Variants in PLCB4 observed in about 807,000 individuals in gnomAD.
The protein encoded by PLCB4 is 1-phosphatidylinositol 4,5-bisphosphate phosphodiesterase beta-4.
Under a neutral mutation model 178.8 loss-of-function variants are expected in PLCB4, and 77 were observed. That is an observed-to-expected ratio of 0.43 (90% CI 0.36 to 0.52). The LOEUF (loss-of-function observed/expected upper bound fraction) is 0.52. PLCB4 is among the 20% of genes least tolerant of loss of function. The pLI is 0.00. For missense variants in PLCB4, 1,024 were observed against 1,453.4 expected, an observed-to-expected ratio of 0.70 and a Z score of 4.80; for synonymous variants, 496 against 490.8, an observed-to-expected ratio of 1.01 and a Z score of -0.14.
At chr20:9,298,023 T>A (rs978463825) in intron 3 of PLCB4, among the ~76,000 whole-genome samples, 27 of 152,016 alleles carry the variant, frequency 1.8e-4, no homozygotes, top group Admixed American at 1.6e-3. Flanking sequence ...ACATACTGAG[T>A]ATTTTGAGAT....
At chr20:9,235,524 A>G (rs1467048615) in intron 3 of PLCB4, among the ~76,000 whole-genome samples, 1 of 152,226 alleles carries the variant, frequency 6.6e-6, no homozygotes, top group Admixed American at 6.5e-5. Context: ...AGCCTCAGGC[A>G]TTCAGAAAGA....
chr20:9,143,098 T>C lies in PLCB4; in HGVS notation c.-79+46756T>C, dbSNP rs548026152. ...CTCACCTCCTTCAAATCTTTGCCAATTGGGGCCTTTCTTTTAGTGTTGCCA... is the reference window on the plus strand; with the variant it reads ...CTCACCTCCTTCAAATCTTTGCCAACTGGGGCCTTTCTTTTAGTGTTGCCA... On this transcript the variant is annotated intron_variant, in intron 2 of 39. Coordinates refer to ENST00000378473, the MANE Select transcript of PLCB4 (RefSeq NM_001377142.1). Among the ~76,000 whole-genome samples the C allele has an allele frequency of 6.6e-5, 10 of 152,310 alleles. No homozygotes were observed. In the South Asian group the frequency reaches 2.1e-3, roughly 32 times the overall value.
chr20:9,379,279 A>T (rs1051761077), intron 12 of PLCB4, among the ~76,000 whole-genome samples: 5 of 152,092 alleles, frequency 3.3e-5, no homozygotes, highest in African/African-American at 1.2e-4. Flanking sequence ...TGAAGTTAGG[A>T]TGATACCATT....
At chr20:9,295,934 G>A (rs1002285433) in intron 3 of PLCB4, among the ~76,000 whole-genome samples, 5 of 152,140 alleles carry the variant, frequency 3.3e-5, no homozygotes, top group Admixed American at 1.3e-4. Flanking sequence ...TACCATTCAG[G>A]ACATAGGCAT....
At chr20:9,342,195 G>T (rs539536891) in intron 7 of PLCB4, among the ~76,000 whole-genome samples, 139 of 152,024 alleles carry the variant, frequency 9.1e-4, no homozygotes, top group Non-Finnish European at 1.8e-3. Flanking sequence ...CTCTATATGT[G>T]TTTCTATTCC....
chr20:9,444,061 C>G, intron 31 of PLCB4, 31 bp downstream of exon 31: 1 of 1,522,882 alleles, frequency 6.6e-7, no homozygotes, highest in South Asian at 1.1e-5. Context: ...TGCAAGCACT[C>G]TTGTATTACA....
chr20:9,139,969 C>T (rs752156640), intron 2 of PLCB4, among the ~76,000 whole-genome samples: 1 of 152,112 alleles, frequency 6.6e-6, no homozygotes, highest in African/African-American at 2.4e-5. Flanking sequence ...AGAGAATGCT[C>T]TGTGCCTGGC....
chr20:9,332,974 G>A (rs998867686), intron 4 of PLCB4, among the ~76,000 whole-genome samples: 4 of 152,100 alleles, frequency 2.6e-5, no homozygotes, highest in African/African-American at 9.7e-5. Flanking sequence ...TTACAAAAAG[G>A]GACTCCTGCC....
intron 30 of PLCB4, among the ~76,000 whole-genome samples, chr20:9,443,412 C>T (rs929786039): frequency 2.6e-5 from 4 of 152,336 alleles, no homozygotes; most frequent in Admixed American, 6.5e-5. Flanking sequence ...TTCACTATCC[C>T]ATCTCACAGC....
chr20:9,411,723 A>T (rs1451004007), intron 25 of PLCB4, among the ~76,000 whole-genome samples: 1 of 92,728 alleles, frequency 1.1e-5, no homozygotes, highest in Non-Finnish European at 1.7e-5. Flanking sequence ...TCTTGAGATA[A>T]AAAAAAAAAA....
chr20:9,281,585 C>A (rs1187152982), intron 3 of PLCB4, among the ~76,000 whole-genome samples: 4 of 151,834 alleles, frequency 2.6e-5, no homozygotes, highest in Admixed American at 2.6e-4. Flanking sequence ...ATGTTTTAAT[C>A]TTAGGTTTAT....
chr20:9,135,472 A>G (rs952772777), intron 2 of PLCB4, among the ~76,000 whole-genome samples: 21 of 152,102 alleles, frequency 1.4e-4, no homozygotes, highest in Admixed American at 6.6e-5. Flanking sequence ...CCATGGAGAC[A>G]TATGAAGTTA....
At chr20:9,304,039 T>C (rs781677092) in intron 3 of PLCB4, among the ~76,000 whole-genome samples, 2 of 151,896 alleles carry the variant, frequency 1.3e-5, no homozygotes, top group Non-Finnish European at 2.9e-5. Flanking sequence ...ACTCTTGCTC[T>C]AAGTACTTGC....
chr20:9,297,236 C>T (rs549680316), intron 3 of PLCB4, among the ~76,000 whole-genome samples: 53 of 151,906 alleles, frequency 3.5e-4, no homozygotes, highest in African/African-American at 1.1e-3. Flanking sequence ...TTCTTTCTAG[C>T]GGTCACTTCT....
At chr20:9,157,201 G>A (rs1160271133) in intron 2 of PLCB4, among the ~76,000 whole-genome samples, 4 of 149,310 alleles carry the variant, frequency 2.7e-5, no homozygotes, top group Admixed American at 1.3e-4. Context: ...TGGAAGCCAA[G>A]GACAGAGAAA....
chr20:9,398,888 C>T (rs1649585581), intron 19 of PLCB4, among the ~76,000 whole-genome samples: 1 of 152,172 alleles, frequency 6.6e-6, no homozygotes, highest in South Asian at 2.1e-4. Context: ...CAACCGATTG[C>T]ACTAAGATTC....
intron 2 of PLCB4, among the ~76,000 whole-genome samples, chr20:9,180,415 C>T (rs1403257330): frequency 1.3e-5 from 2 of 152,104 alleles, no homozygotes; most frequent in Admixed American, 6.5e-5. Flanking sequence ...GCTGGTGCTA[C>T]GATCTGAATT....
chr20:9,392,965 C>T (rs751013529), intron 17 of PLCB4, among the ~76,000 whole-genome samples: 1 of 152,158 alleles, frequency 6.6e-6, no homozygotes, highest in Non-Finnish European at 1.5e-5. Flanking sequence ...AGATACAGGA[C>T]GGTTCTGTAG....
chr20:9,200,949 C>T (rs1002619890), intron 2 of PLCB4, among the ~76,000 whole-genome samples: 2 of 152,152 alleles, frequency 1.3e-5, no homozygotes, highest in African/African-American at 4.8e-5. Context: ...TTTCCTGTTC[C>T]ATCTATGGGA....
Sources: gnomAD v4.1 joint callset for allele counts (sites outside exome capture counted in the v4.1 genomes callset) on GRCh38, gnomAD v4.1.1 for gene constraint, MANE v1.5 for transcripts, NCBI Gene and HGNC (gene_info 2026-07-23, HGNC 2026-07-21) for gene names.